The following DNAJC2 variants were observed in gnomAD, a reference collection of about 807,000 sequenced individuals.
DNAJC2 encodes dnaJ homolog subfamily C member 2.
Under a neutral mutation model 94.0 loss-of-function variants are expected in DNAJC2, and 32 were observed. The ratio of observed to expected loss-of-function variants is 0.34; its 90% CI spans 0.26 to 0.46. The LOEUF (loss-of-function observed/expected upper bound fraction) is 0.46, where lower values mean the gene tolerates loss of function less well. DNAJC2 is among the 20% of genes least tolerant of loss of function. The pLI is 1.00. For synonymous variants in DNAJC2, 210 were observed against 229.7 expected, an observed-to-expected ratio of 0.91 and a Z score of 0.77; for missense variants, 550 against 719.5, an observed-to-expected ratio of 0.76 and a Z score of 2.69.
intron 1 of DNAJC2, among the ~76,000 whole-genome samples, chr7:103,343,496 A>G (rs1216846925): frequency 1.3e-5 from 2 of 152,248 alleles, no homozygotes; most frequent in Non-Finnish European, 2.9e-5. Context: ...GACAGTGGCT[A>G]TGTGACCTGA....
chr7:103,321,541 A>AT (rs543145349), intron 10 of DNAJC2, among the ~76,000 whole-genome samples: 50 of 148,724 alleles, frequency 3.4e-4, no homozygotes, highest in African/African-American at 3.9e-4. Flanking sequence ...AATAAAAATA[A>AT]TTTTTTTTTT....
Position 103,316,940 on chromosome 7 carries a change from G to A in DNAJC2, c.1317C>T (p.Asn439=). Residue 439 remains asparagine (N), a synonymous_variant, in exon 13 of 17, where the codon AAC becomes AAT. Transcript: ENST00000379263. The part of the protein sequence containing the change: ...AEARMRQASK[N]TEKSTGGGGN... ...CACCTCCACCAGTTGATTTCTCTGT[G>A]TTCTTAGATGCTTGTCGCATACGAG... 1.2e-6 allele frequency: 2 copies of A among 1,613,946 alleles called. No homozygotes were observed. The highest frequency in any genetic ancestry group is 8.5e-7 in the Non-Finnish European group (1 of 1,179,952).
chr7:103,313,690 C>T (rs1346196939), intron 15 of DNAJC2: 1 of 985,250 alleles, frequency 1.0e-6, no homozygotes, highest in African/African-American at 1.7e-5. Flanking sequence ...ATCTTGGGAG[C>T]CGATGCTGAA....
rs528307623 is a variant in DNAJC2, at chr7:103,326,739, C to T, written c.431-55G>A. 5.8e-5 allele frequency: 87 copies of T among 1,494,558 alleles called. 2 individuals carry two copies. The South Asian group carries it at 1.1e-3, about 18-fold the overall frequency. The allele number at this position is 1,494,558 out of a possible 1,614,324, so 92.6% of individuals were successfully genotyped here. On this transcript the variant is annotated intron_variant, in intron 4 of 16. Coordinates refer to ENST00000379263, the MANE Select transcript of DNAJC2 (RefSeq NM_014377.3). ...CCATAACTTTACCTATTTTTTCCTG[C>T]AAGAAAACAAGTATTTCCCTCCTTA... is the stretch of plus-strand genomic sequence containing the variant.
At chr7:103,324,171 A>G (rs1818577352) in intron 6 of DNAJC2, among the ~76,000 whole-genome samples, 1 of 152,214 alleles carries the variant, frequency 6.6e-6, no homozygotes, top group Non-Finnish European at 1.5e-5. Context: ...AGTTACAGAG[A>G]CAAATAGCAC....
chr7:103,336,979 C>G (rs1819197753), intron 3 of DNAJC2: 1 of 152,232 alleles, frequency 6.6e-6, no homozygotes, highest in African/African-American at 2.4e-5. Flanking sequence ...TCTTGACAGG[C>G]CCTGACTCCC....
Position 103,322,438 on chromosome 7 carries a change from GAT to G in DNAJC2, c.933+71_933+72del, listed in dbSNP as rs955071708. ...CGAATTATAGTTTTTTTTAAAAAAA[GAT>G]GTGAAGATTAAAGTGAAGATTAAAG... On this transcript the variant is annotated intron_variant, in intron 9 of 16. Transcript: ENST00000379263. 42 of 1,316,680 alleles carry G rather than the reference GAT, an allele frequency of 3.2e-5. No homozygotes were observed. In the African/African-American group the frequency reaches 6.0e-4, roughly 19 times the overall value. 81.6% of individuals were successfully genotyped at this position (1,316,680 alleles called of 1,614,324 possible).
At chr7:103,325,993 A>G (rs139092209) in intron 5 of DNAJC2, among the ~76,000 whole-genome samples, 42 of 152,234 alleles carry the variant, frequency 2.8e-4, no homozygotes, top group Middle Eastern at 6.8e-3. Flanking sequence ...TTTCTCTCAA[A>G]GCAAAATTTT....
At chr7:103,336,810 ATTCC>A (rs1819192622) in intron 3 of DNAJC2, 1 of 152,200 alleles carries the variant, frequency 6.6e-6, no homozygotes, top group African/African-American at 2.4e-5. Flanking sequence ...AATCTGATAA[ATTCC>A]TTCACTTTGT....
intron 15 of DNAJC2, 39 bp downstream of exon 15, chr7:103,315,725 A>AG (rs1818011915): frequency 7.2e-7 from 1 of 1,379,884 alleles, no homozygotes; most frequent in African/African-American, 1.4e-5. Context: ...GCACAGATAC[A>AG]TGGCTAGCAT....
chr7:103,312,303 G>A lies in DNAJC2; in HGVS notation c.*266C>T. 1 of 1,605,310 alleles carries A rather than the reference G, an allele frequency of 6.2e-7. No individual in the cohort carries two copies. The highest frequency in any genetic ancestry group is 8.5e-7 in the Non-Finnish European group (1 of 1,179,602). The stretch of plus-strand genomic sequence containing the variant: ...CCTAATCAAGATTGTTTGAACACAT[G>A]TATTTATAAAACAGAGCTAGAGAAA... On this transcript the variant is annotated 3_prime_UTR_variant, in exon 17 of 17. Coordinates refer to ENST00000379263, the MANE Select transcript of DNAJC2 (RefSeq NM_014377.3).
chr7:103,314,015 TAAA>T, intron 15 of DNAJC2: 4 of 985,290 alleles, frequency 4.1e-6, no homozygotes, highest in South Asian at 4.7e-5. Context: ...CCTTCCCAAT[TAAA>T]GAAGGAAAAA....
intron 1 of DNAJC2, among the ~76,000 whole-genome samples, chr7:103,342,297 T>C (rs1237545914): frequency 1.3e-5 from 2 of 151,880 alleles, no homozygotes; most frequent in African/African-American, 2.4e-5. Context: ...GACAAATTAT[T>C]TATTTTTTTA....
In DNAJC2 at chr7:103,317,358, C is replaced by A. The variant is rs144042078; in HGVS notation, c.1243-344G>T. 481 of 215,614 alleles carry A rather than the reference C, an allele frequency of 2.2e-3. 3 individuals are homozygous for A. The highest frequency in any genetic ancestry group is 3.6e-3 in the Non-Finnish European group (392 of 110,150). The allele number at this position is 215,614 out of a possible 1,614,324, so 13.4% of individuals were successfully genotyped here. On this transcript the variant is annotated intron_variant, in intron 12 of 16. Transcript: ENST00000379263. ...ACCTCTCTTCAAACTCATATTCACCCTTTCTGCAGACAATCTCATTTATTC... is the reference window on the plus strand; with the variant it reads ...ACCTCTCTTCAAACTCATATTCACCATTTCTGCAGACAATCTCATTTATTC...
intron 5 of DNAJC2, among the ~76,000 whole-genome samples, chr7:103,325,462 C>A (rs200311803): frequency 2.8e-4 from 38 of 136,886 alleles, no homozygotes; most frequent in Non-Finnish European, 3.4e-4. Flanking sequence ...AAAAAAAAAA[C>A]CAAAAAACAG....
intron 1 of DNAJC2, among the ~76,000 whole-genome samples, chr7:103,342,751 G>C (rs1297367410): frequency 6.6e-6 from 1 of 151,302 alleles, no homozygotes; most frequent in Non-Finnish European, 1.5e-5. Flanking sequence ...TGGGACTACA[G>C]GCACCCGCCA....
At chr7:103,341,983 C>T (rs770766166) in intron 1 of DNAJC2, 29 bp from the exon 2 acceptor site, 21 of 1,482,898 alleles carry the variant, frequency 1.4e-5, no homozygotes, top group Non-Finnish European at 1.8e-5. Flanking sequence ...AGAGAGGCTT[C>T]AGTGTATCGC....
intron 15 of DNAJC2, 33 bp from the exon 16 acceptor site, chr7:103,313,134 C>T: frequency 6.3e-7 from 1 of 1,583,650 alleles, no homozygotes; most frequent in Non-Finnish European, 8.6e-7. Flanking sequence ...TGAAAACTGT[C>T]TTTGAACATG....
At chr7:103,343,079 A>C (rs1455213430) in intron 1 of DNAJC2, among the ~76,000 whole-genome samples, 1 of 151,608 alleles carries the variant, frequency 6.6e-6, no homozygotes, top group Admixed American at 6.6e-5. Context: ...GGCTCACTGC[A>C]ACCTCCGCCT....
Sources: gnomAD v4.1 joint callset for allele counts (sites outside exome capture counted in the v4.1 genomes callset) on GRCh38, gnomAD v4.1.1 for gene constraint, MANE v1.5 for transcripts, NCBI Gene and HGNC (gene_info 2026-07-23, HGNC 2026-07-21) for gene names.